Variants in GFRA3 observed in about 807,000 individuals in gnomAD.
The protein encoded by GFRA3 is GDNF family receptor alpha 3, also known as GDNF family receptor alpha-3.
In GFRA3, 24 loss-of-function variants were observed where a neutral mutation model predicts 40.0. That is an observed-to-expected ratio of 0.60 (90% confidence interval 0.43 to 0.84). The LOEUF is 0.84. GFRA3 is among the 40% of genes least tolerant of loss of function. GFRA3 has a pLI of 0.00. For missense variants in GFRA3, 405 were observed against 530.6 expected, an observed-to-expected ratio of 0.76 and a Z score of 2.33; for synonymous variants, 203 against 213.5, an observed-to-expected ratio of 0.95 and a Z score of 0.43.
Position 138,254,103 on chromosome 5 carries a change from A to C in GFRA3, c.843T>G (p.Cys281Trp). The change falls in exon 5 of 8, where the codon TGT becomes TGG. Residue 281 changes from cysteine (C) to tryptophan (W), a missense_variant. Physicochemically the swap from Cys to Trp is radical, Grantham distance 215. Transcript: ENST00000274721. ...HCHPMDILGT[C>W]ATEQSRCLRA... ...GTAGACATCTGGACTGCTCTGTTGC[A>C]CAAGTTCCTAGGATGTCCATGGGAT... 1 of 1,613,146 alleles carries C rather than the reference A, an allele frequency of 6.2e-7. No homozygotes were observed. Among genetic ancestry groups the C allele is most frequent in the Middle Eastern group, 1.7e-4 (1 of 6,056 alleles).
Position 138,253,002 on chromosome 5 carries a change from G to A in GFRA3, c.1169C>T (p.Thr390Met), listed in dbSNP as rs201036233. ...GCTCAGGAGCAGAATCAAGGGAAGC[G>A]TGCAGGAGAAAAGAGAGGGCACCCA... Reference protein sequence around the residue: ...QPWVPSLFSCTLPLILLLSLW With the variant: ...QPWVPSLFSCMLPLILLLSLW Residue 390 changes from threonine (T) to methionine (M), a missense_variant, in exon 8 of 8, where the codon ACG becomes ATG. By Grantham distance (81) the Thr-to-Met change is moderately conservative (BLOSUM62 -1). Transcript: ENST00000274721. 1.5e-4 allele frequency: 247 copies of A among 1,608,888 alleles called. No individual in the cohort carries two copies. Among genetic ancestry groups the A allele is most frequent in the African/African-American group, 4.5e-4 (34 of 74,930 alleles).
intron 2 of GFRA3, among the ~76,000 whole-genome samples, chr5:138,263,055 CCCGG>C (rs1166111767): frequency 2.0e-5 from 3 of 152,160 alleles, no homozygotes; most frequent in African/African-American, 7.2e-5. Context: ...ACCTCTGCTT[CCCGG>C]GTTCAAGTGA....
intron 1 of GFRA3, 53 bp downstream of exon 1, chr5:138,274,281 C>A (rs933566902): frequency 6.5e-5 from 85 of 1,317,062 alleles, no homozygotes; most frequent in Non-Finnish European, 7.4e-5. Context: ...CTCGCCTACA[C>A]CTCACCTCCC....
chr5:138,259,868 T>C (rs960102197), intron 2 of GFRA3, among the ~76,000 whole-genome samples: 2 of 152,038 alleles, frequency 1.3e-5, no homozygotes, highest in African/African-American at 4.8e-5. Context: ...AGAGCTACCA[T>C]TTGTTAAGCA....
At chr5:138,273,068 A>T (rs1396909730) in intron 1 of GFRA3, among the ~76,000 whole-genome samples, 1 of 152,214 alleles carries the variant, frequency 6.6e-6, no homozygotes, top group Non-Finnish European at 1.5e-5. Context: ...AGACCGAGTC[A>T]AGGCTAGAAC....
At chr5:138,265,117 C>T (rs942078407) in intron 1 of GFRA3, among the ~76,000 whole-genome samples, 1 of 151,886 alleles carries the variant, frequency 6.6e-6, no homozygotes, top group Non-Finnish European at 1.5e-5. Flanking sequence ...CGGAAGGAAG[C>T]CCCTGCATCC....
chr5:138,261,693 C>CAAAAAAAA (rs70979598), intron 2 of GFRA3, among the ~76,000 whole-genome samples: 32 of 46,272 alleles, frequency 6.9e-4, no homozygotes, highest in Non-Finnish European at 1.1e-3. Context: ...GACTCTGTCT[C>CAAAAAAAA]AAAAAAAAAA....
At chr5:138,265,540 G>C (rs1165843240) in intron 1 of GFRA3, among the ~76,000 whole-genome samples, 10 of 151,716 alleles carry the variant, frequency 6.6e-5, no homozygotes, top group African/African-American at 2.2e-4. Context: ...TTCACAGCCT[G>C]TGTTCAATTC....
At chr5:138,268,352 ATCCTTCTAGACCTTGACTTACGC>A in intron 1 of GFRA3, among the ~76,000 whole-genome samples, 1 of 148,518 alleles carries the variant, frequency 6.7e-6, no homozygotes, top group Non-Finnish European at 1.5e-5. Flanking sequence ...CATTGGAAAA[ATCCTTCTAGACCTTGACTTACGC>A]AAAGATTTCA....
intron 1 of GFRA3, among the ~76,000 whole-genome samples, chr5:138,269,749 A>AG (rs1755840453): frequency 6.8e-6 from 1 of 146,464 alleles, no homozygotes. Flanking sequence ...AGGCTGAGGC[A>AG]GGAGAATCGC....
chr5:138,269,550 CAAAA>C (rs927285957), intron 1 of GFRA3, among the ~76,000 whole-genome samples: 3 of 128,578 alleles, frequency 2.3e-5, no homozygotes, highest in Admixed American at 1.6e-4. Flanking sequence ...AAAAAAAAAA[CAAAA>C]AACAACAAGC....
At chr5:138,257,602 C>T (rs771226577) in intron 4 of GFRA3, 37 bp downstream of exon 4, 9 of 1,560,314 alleles carry the variant, frequency 5.8e-6, no homozygotes, top group Middle Eastern at 1.8e-4. Context: ...TGGCGTGTGC[C>T]TCATCCCTGC....
intron 4 of GFRA3, among the ~76,000 whole-genome samples, chr5:138,254,732 C>T (rs1236385702): frequency 1.3e-5 from 2 of 152,108 alleles, no homozygotes; most frequent in African/African-American, 2.4e-5. Context: ...TCTTTAACCT[C>T]AGTTTCCTCA....
chr5:138,266,672 CTTTCTTTTCTTTTCT>C (rs147567909), intron 1 of GFRA3, among the ~76,000 whole-genome samples: 1 of 150,448 alleles, frequency 6.6e-6, no homozygotes, highest in South Asian at 2.1e-4. Flanking sequence ...CTTTTTCTTT[CTTTCTTTTCTTTTCT>C]TTTCTTTTCT....
intron 4 of GFRA3, among the ~76,000 whole-genome samples, chr5:138,257,272 G>A (rs1393375018): frequency 5.3e-5 from 8 of 152,104 alleles, no homozygotes; most frequent in African/African-American, 1.9e-4. Flanking sequence ...CATGAGACAT[G>A]TGCCGTAAGA....
Position 138,274,620 on chromosome 5 carries a change from C to A in GFRA3, c.-196G>T. On this transcript the variant is annotated 5_prime_UTR_variant, in exon 1 of 8. Transcript: ENST00000274721. ...CACACCACGCGCCTCCAGCGCTGGTCCGAGGGACCGCGGGGGTGGGGGCGG... is the reference window on the plus strand; with the variant it reads ...CACACCACGCGCCTCCAGCGCTGGTACGAGGGACCGCGGGGGTGGGGGCGG... The A allele has an allele frequency of 8.2e-7, 1 of 1,218,442 alleles. No individual in the cohort carries two copies. Among genetic ancestry groups the A allele is most frequent in the Non-Finnish European group, 1.0e-6 (1 of 979,698 alleles). The allele number at this position is 1,218,442 out of a possible 1,614,324, so 75.5% of individuals were successfully genotyped here.
intron 1 of GFRA3, chr5:138,266,863 G>C (rs1755792769): frequency 6.6e-6 from 1 of 152,092 alleles, no homozygotes; most frequent in African/African-American, 2.4e-5. Context: ...TGTACTTTTA[G>C]TAGAGAAAGG....
intron 5 of GFRA3, 69 bp from the exon 6 acceptor site, chr5:138,253,969 A>G (rs1049141732): frequency 1.9e-6 from 3 of 1,582,838 alleles, no homozygotes; most frequent in Non-Finnish European, 2.6e-6. Context: ...TCTTCCACCC[A>G]TGTCAGGATC....
chr5:138,263,069 A>G (rs922898338), intron 2 of GFRA3, among the ~76,000 whole-genome samples: 2 of 152,062 alleles, frequency 1.3e-5, no homozygotes, highest in Non-Finnish European at 2.9e-5. Context: ...GGTTCAAGTG[A>G]TTCTCCTGCC....
Sources: gnomAD v4.1 joint callset for allele counts (sites outside exome capture counted in the v4.1 genomes callset) on GRCh38, gnomAD v4.1.1 for gene constraint, MANE v1.5 for transcripts, NCBI Gene and HGNC (gene_info 2026-07-23, HGNC 2026-07-21) for gene names.